Variants in TMTC2 observed in about 807,000 individuals in gnomAD.
TMTC2 encodes the protein transmembrane O-mannosyltransferase targeting cadherins 2.
In TMTC2, 43 loss-of-function variants were observed where a neutral mutation model predicts 82.4. That is an observed-to-expected ratio of 0.52 (90% CI 0.41 to 0.67). TMTC2 has a LOEUF of 0.67. Among genes scored for constraint, TMTC2 ranks in the 30% least tolerant of loss-of-function variants. The probability of loss-of-function intolerance (pLI) is 0.00; values close to 1 mark genes in which losing one functional copy is unlikely to be tolerated. For missense variants in TMTC2, 919 were observed against 1,012.4 expected, an observed-to-expected ratio of 0.91 and a Z score of 1.25; for synonymous variants, 408 against 381.9, an observed-to-expected ratio of 1.07 and a Z score of -0.80.
chr12:82,737,139 T>C (rs1027345313), intron 1 of TMTC2, among the ~76,000 whole-genome samples: 1 of 152,200 alleles, frequency 6.6e-6, no homozygotes, highest in Admixed American at 6.5e-5. Context: ...AGCAATGCCA[T>C]GAGTGCTTTT....
chr12:82,767,414 T>G (rs566900221), intron 1 of TMTC2, among the ~76,000 whole-genome samples: 1 of 152,222 alleles, frequency 6.6e-6, no homozygotes, highest in African/African-American at 2.4e-5. Flanking sequence ...TGAGATCCTG[T>G]GTTTACAAAA....
chr12:82,746,609 T>G (rs1380090237), intron 1 of TMTC2, among the ~76,000 whole-genome samples: 1 of 152,180 alleles, frequency 6.6e-6, no homozygotes, highest in Non-Finnish European at 1.5e-5. Context: ...CCCTGGCTAT[T>G]CAAACCTGAA....
At chr12:82,756,612 A>G (rs994173139) in intron 1 of TMTC2, among the ~76,000 whole-genome samples, 2 of 152,234 alleles carry the variant, frequency 1.3e-5, no homozygotes, top group African/African-American at 4.8e-5. Context: ...ATATAAACAA[A>G]GCAAACAGAT....
intron 2 of TMTC2, among the ~76,000 whole-genome samples, chr12:82,881,592 T>G (rs936874558): frequency 2.0e-5 from 3 of 152,208 alleles, no homozygotes; most frequent in Non-Finnish European, 4.4e-5. Context: ...GAAAAACTTC[T>G]TAATATTTTC....
At chr12:82,844,577 A>T (rs1229013062) in intron 1 of TMTC2, among the ~76,000 whole-genome samples, 1 of 151,022 alleles carries the variant, frequency 6.6e-6, no homozygotes, top group African/African-American at 2.4e-5. Flanking sequence ...CGAGGCGAGC[A>T]GATCACGAAG....
chr12:82,894,797 A>G (rs1873573238), intron 2 of TMTC2, among the ~76,000 whole-genome samples: 1 of 151,744 alleles, frequency 6.6e-6, no homozygotes, highest in African/African-American at 2.4e-5. Context: ...TAAAGAAGTC[A>G]TTTTATTTTA....
intron 1 of TMTC2, among the ~76,000 whole-genome samples, chr12:82,800,258 ACAAGAAGG>A (rs1878928196): frequency 6.6e-6 from 1 of 152,130 alleles, no homozygotes; most frequent in African/African-American, 2.4e-5. Context: ...ATGACAGCCA[ACAAGAAGG>A]CAAACAAAAA....
chr12:82,687,702 C>T, intron 1 of TMTC2, 33 bp downstream of exon 1: 1 of 1,578,938 alleles, frequency 6.3e-7, no homozygotes. Flanking sequence ...CGACGGGCTG[C>T]AGGGGGCACA....
chr12:82,786,824 CT>C (rs974452093), intron 1 of TMTC2, among the ~76,000 whole-genome samples: 1 of 152,128 alleles, frequency 6.6e-6, no homozygotes, highest in Admixed American at 6.5e-5. Flanking sequence ...TACTAGGGAT[CT>C]TACAATAAAA....
intron 1 of TMTC2, among the ~76,000 whole-genome samples, chr12:82,728,731 G>C (rs1874593402): frequency 6.6e-6 from 1 of 152,254 alleles, no homozygotes; most frequent in Non-Finnish European, 1.5e-5. Flanking sequence ...GGCTGGCCAA[G>C]GCCGGAGCCA....
At chr12:82,764,836 CA>C (rs1170267093) in intron 1 of TMTC2, among the ~76,000 whole-genome samples, 23 of 13,606 alleles carry the variant, frequency 1.7e-3, no homozygotes, top group Admixed American at 6.2e-3. Flanking sequence ...AGTGAATCTG[CA>C]TTTTTTTTTT....
intron 1 of TMTC2, among the ~76,000 whole-genome samples, chr12:82,716,108 A>T (rs1052331254): frequency 6.6e-6 from 1 of 152,152 alleles, no homozygotes; most frequent in Non-Finnish European, 1.5e-5. Context: ...TTGGGGTCAA[A>T]TGAATCTAAT....
intron 11 of TMTC2, among the ~76,000 whole-genome samples, chr12:83,081,093 T>G (rs1268846767): frequency 1.3e-5 from 2 of 152,210 alleles, no homozygotes; most frequent in Non-Finnish European, 2.9e-5. Context: ...TACATCATTT[T>G]TATGAGTATT....
At chr12:82,850,354 C>T (rs80115038) in intron 1 of TMTC2, among the ~76,000 whole-genome samples, 5,009 of 152,086 alleles carry the variant, frequency 0.033, 152 homozygotes, top group East Asian at 0.094. Context: ...AATAGAAGAC[C>T]CTGGATTCCA....
chr12:83,120,868 G>C (rs1399417504), intron 11 of TMTC2, among the ~76,000 whole-genome samples: 1 of 151,894 alleles, frequency 6.6e-6, no homozygotes, highest in Admixed American at 6.6e-5. Context: ...TTTTTTCTTT[G>C]TCTTTGTTGG....
At chr12:82,805,052 C>G (rs1879178845) in intron 1 of TMTC2, among the ~76,000 whole-genome samples, 1 of 152,120 alleles carries the variant, frequency 6.6e-6, no homozygotes, top group Non-Finnish European at 1.5e-5. Context: ...AGGCGTCCAC[C>G]CTACTGCTGT....
At chr12:82,700,993 T>TC (rs756436682) in intron 1 of TMTC2, among the ~76,000 whole-genome samples, 8 of 152,100 alleles carry the variant, frequency 5.3e-5, no homozygotes, top group Non-Finnish European at 7.4e-5. Context: ...TGAGACTTTT[T>TC]CACTATCATG....
chr12:82,766,976 T>A (rs1250476814), intron 1 of TMTC2, among the ~76,000 whole-genome samples: 3 of 152,086 alleles, frequency 2.0e-5, no homozygotes, highest in African/African-American at 7.2e-5. Context: ...TTTTTTTGTG[T>A]GTATTTTTAG....
chr12:82,713,144 A>G (rs1048297462), intron 1 of TMTC2, among the ~76,000 whole-genome samples: 3 of 152,030 alleles, frequency 2.0e-5, no homozygotes, highest in African/African-American at 7.2e-5. Flanking sequence ...ACATGGTGAA[A>G]CCCCGTCTCT....
Sources: gnomAD v4.1 joint callset for allele counts (sites outside exome capture counted in the v4.1 genomes callset) on GRCh38, gnomAD v4.1.1 for gene constraint, MANE v1.5 for transcripts, NCBI Gene and HGNC (gene_info 2026-07-23, HGNC 2026-07-21) for gene names.